The following KCNMA1 variants were observed in gnomAD, a reference collection of about 807,000 sequenced individuals.
The protein encoded by KCNMA1 is potassium calcium-activated channel subfamily M alpha 1, also known as Calcium-activated potassium channel subunit alpha-1.
Under a neutral mutation model 140.0 loss-of-function variants are expected in KCNMA1, and 29 were observed. The ratio of observed to expected loss-of-function variants is 0.21; its 90% confidence interval spans 0.15 to 0.28. The LOEUF (loss-of-function observed/expected upper bound fraction) is 0.28, where lower values mean the gene tolerates loss of function less well. Among genes scored for constraint, KCNMA1 ranks in the 10% least tolerant of loss-of-function variants. The pLI is 1.00. For synonymous variants in KCNMA1, 612 were observed against 611.9 expected (o/e 1.00, Z 0.00); for missense variants, 880 against 1,602.2 (o/e 0.55, Z 7.70).
At chr10:77,083,445 T>G (rs2096624018) in intron 12 of KCNMA1, among the ~76,000 whole-genome samples, 1 of 150,296 alleles carries the variant, frequency 6.7e-6, no homozygotes, top group African/African-American at 2.5e-5. Context: ...GCCTAACCCT[T>G]GTGCACAAAA....
chr10:77,485,653 G>T (rs570395682), intron 1 of KCNMA1, among the ~76,000 whole-genome samples: 33 of 152,280 alleles, frequency 2.2e-4, no homozygotes, highest in African/African-American at 7.9e-4. Flanking sequence ...GAAGACAGTG[G>T]CTGTCTCTAA....
At chr10:76,938,436 T>A (rs2152794035) in intron 23 of KCNMA1, among the ~76,000 whole-genome samples, 3 of 152,256 alleles carry the variant, frequency 2.0e-5, no homozygotes, top group Middle Eastern at 6.8e-3. Flanking sequence ...CCATTCTTTT[T>A]CCAGTCCAAG....
chr10:76,885,943 C>G lies in KCNMA1; in HGVS notation c.*1323G>C, dbSNP rs1010571760. ...TCTCATAATGACAAGGAGCAGCTCT[C>G]TATTGCCGTCATTACCCTGCCTAAA... is the stretch of plus-strand genomic sequence containing the variant. On this transcript the variant is annotated 3_prime_UTR_variant, in exon 28 of 28. Transcript: ENST00000286628. 1.7e-5 allele frequency: 17 copies of G among 985,308 alleles called. No individual in the cohort carries two copies. Among genetic ancestry groups the G allele is most frequent in the Non-Finnish European group, 1.9e-5 (16 of 829,926 alleles). 61.0% of individuals were successfully genotyped at this position (985,308 alleles called of 1,614,324 possible). A position where few individuals can be genotyped will look rare whatever the true frequency, so the allele number is the denominator to read the frequency against.
chr10:76,939,613 G>A (rs1449158739), intron 23 of KCNMA1: 1 of 152,310 alleles, frequency 6.6e-6, no homozygotes, highest in South Asian at 2.1e-4. Flanking sequence ...TCACCTTTGT[G>A]TTCTGGGCCT....
intron 3 of KCNMA1, among the ~76,000 whole-genome samples, chr10:77,194,371 C>G (rs2039710452): frequency 2.0e-5 from 3 of 152,122 alleles, no homozygotes; most frequent in African/African-American, 7.2e-5. Flanking sequence ...CAGATGTTTG[C>G]CTTGGACTCT....
intron 1 of KCNMA1, among the ~76,000 whole-genome samples, chr10:77,550,171 G>C (rs945916256): frequency 6.6e-6 from 1 of 152,230 alleles, no homozygotes; most frequent in Non-Finnish European, 1.5e-5. Flanking sequence ...GAAAAGAAGA[G>C]AAGGAAGAGA....
intron 1 of KCNMA1, among the ~76,000 whole-genome samples, chr10:77,536,007 A>T (rs11002197): frequency 0.046 from 7,017 of 152,320 alleles, 208 homozygotes; most frequent in Non-Finnish European, 0.058. Flanking sequence ...ACAAGAATTT[A>T]TTCTACATTT....
At chr10:77,362,759 A>C (rs1475943705) in intron 2 of KCNMA1, among the ~76,000 whole-genome samples, 2 of 152,304 alleles carry the variant, frequency 1.3e-5, no homozygotes, top group East Asian at 3.9e-4. Context: ...TCAGCTTATA[A>C]GAAGACATGT....
At chr10:77,397,376 T>C (rs2096093697) in intron 2 of KCNMA1, among the ~76,000 whole-genome samples, 1 of 152,236 alleles carries the variant, frequency 6.6e-6, no homozygotes, top group Non-Finnish European at 1.5e-5. Context: ...TGACATATAA[T>C]AGTGTACATA....
intron 6 of KCNMA1, among the ~76,000 whole-genome samples, chr10:77,113,082 T>C (rs1051080338): frequency 2.6e-5 from 4 of 152,042 alleles, no homozygotes; most frequent in African/African-American, 7.2e-5. Flanking sequence ...TTTTTTATTT[T>C]CCCCCCAGAC....
At chr10:77,256,745 A>C (rs1178986304) in intron 2 of KCNMA1, among the ~76,000 whole-genome samples, 1 of 152,190 alleles carries the variant, frequency 6.6e-6, no homozygotes, top group Non-Finnish European at 1.5e-5. Context: ...CTGAAGGCAG[A>C]GACCCTTCTC....
At chr10:77,238,832 C>A (rs969582337) in intron 3 of KCNMA1, among the ~76,000 whole-genome samples, 1 of 152,160 alleles carries the variant, frequency 6.6e-6, no homozygotes, top group African/African-American at 2.4e-5. Flanking sequence ...CTATAGGGTA[C>A]CTGGCAGGCA....
At chr10:77,337,444 C>G (rs371307810) in intron 2 of KCNMA1, among the ~76,000 whole-genome samples, 2 of 152,080 alleles carry the variant, frequency 1.3e-5, no homozygotes, top group Admixed American at 6.6e-5. Context: ...CATAGTGAAA[C>G]CCCTTCTCTA....
intron 2 of KCNMA1, among the ~76,000 whole-genome samples, chr10:77,309,206 C>A (rs10824520): frequency 1.3e-5 from 2 of 152,022 alleles, no homozygotes; most frequent in Non-Finnish European, 2.9e-5. Flanking sequence ...GATGTGATGA[C>A]AGAATTTGCA....
intron 1 of KCNMA1, among the ~76,000 whole-genome samples, chr10:77,568,321 T>C (rs1249986223): frequency 1.3e-5 from 2 of 152,182 alleles, no homozygotes; most frequent in Non-Finnish European, 2.9e-5. Flanking sequence ...TGAACATTGA[T>C]GCAAAAATCC....
chr10:77,308,245 C>T (rs2078309326), intron 2 of KCNMA1, among the ~76,000 whole-genome samples: 1 of 152,088 alleles, frequency 6.6e-6, no homozygotes, highest in African/African-American at 2.4e-5. Context: ...GCTGTCACTC[C>T]CCAGGTGCCC....
intron 3 of KCNMA1, among the ~76,000 whole-genome samples, chr10:77,219,621 T>C (rs2048918315): frequency 6.6e-6 from 1 of 152,196 alleles, no homozygotes; most frequent in African/African-American, 2.4e-5. Context: ...TTGTTCGTTT[T>C]GTTTTGTTTT....
At chr10:76,968,216 G>A (rs1352637793) in intron 20 of KCNMA1, among the ~76,000 whole-genome samples, 2 of 151,966 alleles carry the variant, frequency 1.3e-5, no homozygotes, top group Non-Finnish European at 2.9e-5. Context: ...ATGTTACCCT[G>A]GATTTGGTAA....
chr10:76,890,179 G>A (rs1430664790), intron 26 of KCNMA1, among the ~76,000 whole-genome samples: 6 of 152,180 alleles, frequency 3.9e-5, no homozygotes, highest in Non-Finnish European at 7.4e-5. Flanking sequence ...ACTAGGATTC[G>A]CAGTTCTGAT....
Sources: gnomAD v4.1 joint callset for allele counts (sites outside exome capture counted in the v4.1 genomes callset) on GRCh38, gnomAD v4.1.1 for gene constraint, MANE v1.5 for transcripts, NCBI Gene and HGNC (gene_info 2026-07-23, HGNC 2026-07-21) for gene names.